BRSK2: variants seen among roughly 807,000 people sequenced by gnomAD.
The protein encoded by BRSK2 is serine/threonine-protein kinase BRSK2.
Under a neutral mutation model 83.3 loss-of-function variants are expected in BRSK2, and 19 were observed. That is an observed-to-expected ratio of 0.23 (90% CI 0.16 to 0.33). BRSK2 has a LOEUF of 0.33. BRSK2 is among the 10% of genes least tolerant of loss of function. The probability of loss-of-function intolerance (pLI) is 1.00; values close to 1 mark genes in which losing one functional copy is unlikely to be tolerated. For missense variants in BRSK2, 798 were observed against 1,042.3 expected (o/e 0.77, Z 3.23); for synonymous variants, 519 against 435.4 (o/e 1.19, Z -2.39).
At chr11:1,396,256 C>CT (rs1846099328) in intron 1 of BRSK2, among the ~76,000 whole-genome samples, 1 of 132,142 alleles carries the variant, frequency 7.6e-6, no homozygotes, top group African/African-American at 3.3e-5. Context: ...CACTCCTGGT[C>CT]CCTCTTCCCT....
rs558422269 is a variant in BRSK2, at chr11:1,411,016, C to T, written c.91+20641C>T. 1.9e-4 allele frequency: 196 copies of T among 1,011,458 alleles called. 1 individual carries two copies. The South Asian group carries it at 2.8e-3, about 14-fold the overall frequency. The allele number at this position is 1,011,458 out of a possible 1,614,324, so 62.7% of individuals were successfully genotyped here. On this transcript the variant is annotated intron_variant, in intron 1 of 19. Transcript: ENST00000528841. ...AGCAGGGGCGGAGAGAACAGCCGTG[C>T]GTCTGCCTTTTCTGCTCCCATCACC... is the stretch of plus-strand genomic sequence containing the variant.
intron 15 of BRSK2, among the ~76,000 whole-genome samples, chr11:1,452,656 G>T (rs1845941093): frequency 6.7e-6 from 1 of 149,870 alleles, no homozygotes; most frequent in African/African-American, 2.5e-5. Context: ...GTCCAGCACA[G>T]ATGCCTCCTA....
Position 1,454,275 on chromosome 11 carries a change from G to T in BRSK2, c.1545-210G>T. On this transcript the variant is annotated intron_variant, in intron 15 of 19. Transcript: ENST00000528841. This position sits in a 1 kb window ranked among gnomAD's most constrained non-coding sequence, Gnocchi z 5.2. The stretch of plus-strand genomic sequence containing the variant: ...TTGGAGAAAGGTTAGGGTTGGGGTT[G>T]GGGTTAGAGCCACGGTGATGGTCAG... 1 of 544,126 alleles carries T rather than the reference G, an allele frequency of 1.8e-6. No homozygotes were observed. Among genetic ancestry groups the T allele is most frequent in the Non-Finnish European group, 3.3e-6 (1 of 305,158 alleles). 33.7% of individuals were successfully genotyped at this position (544,126 alleles called of 1,614,324 possible).
chr11:1,397,086 C>T lies in BRSK2; in HGVS notation c.91+6711C>T, dbSNP rs554791520. On this transcript the variant is annotated intron_variant, in intron 1 of 19. Transcript: ENST00000528841. ...TGCCCTGTGCTCTGCAGGAAGTTAA[C>T]GGCACCCTGCCACCTCCTCTGTGCA... Among the ~76,000 whole-genome samples, 28 of 152,334 alleles carry T rather than the reference C, an allele frequency of 1.8e-4. No individual in the cohort carries two copies. The South Asian group carries it at 5.2e-3, about 28-fold the overall frequency.
At chr11:1,434,685 C>T (rs1272587825) in intron 1 of BRSK2, among the ~76,000 whole-genome samples, 2 of 140,052 alleles carry the variant, frequency 1.4e-5, no homozygotes. Context: ...CTCTGGGTGT[C>T]TGGGGGCACC....
intron 1 of BRSK2, among the ~76,000 whole-genome samples, chr11:1,419,290 CG>C (rs1369395934): frequency 1.3e-5 from 2 of 150,960 alleles, no homozygotes; most frequent in African/African-American, 4.9e-5. Flanking sequence ...GTCTGGGCAC[CG>C]GGGGGCCTTC....
chr11:1,398,868 C>T (rs1846287321), intron 1 of BRSK2, among the ~76,000 whole-genome samples: 1 of 152,124 alleles, frequency 6.6e-6, no homozygotes, highest in Non-Finnish European at 1.5e-5. Flanking sequence ...GTGTGGGGCC[C>T]CCTGGAGCCT....
intron 3 of BRSK2, among the ~76,000 whole-genome samples, chr11:1,440,507 G>A (rs908407236): frequency 1.3e-4 from 20 of 152,070 alleles, no homozygotes; most frequent in African/African-American, 4.3e-4. Flanking sequence ...CCTCCCTGGC[G>A]GCTGTGCCCC....
chr11:1,400,746 GC>G (rs1457852562), intron 1 of BRSK2, among the ~76,000 whole-genome samples: 1 of 152,210 alleles, frequency 6.6e-6, no homozygotes, highest in Non-Finnish European at 1.5e-5. Flanking sequence ...TGGAGGACCT[GC>G]CGGCTCTGCC....
At chr11:1,409,299 C>T (rs754936363) in intron 1 of BRSK2, 1 of 152,304 alleles carries the variant, frequency 6.6e-6, no homozygotes, top group South Asian at 2.1e-4. Flanking sequence ...TCTCCCTGTG[C>T]TCAGTCGTGC....
intron 1 of BRSK2, among the ~76,000 whole-genome samples, chr11:1,394,857 C>A (rs1196763587): frequency 5.2e-5 from 5 of 96,708 alleles, no homozygotes; most frequent in Non-Finnish European, 1.1e-4. Context: ...AGATGGGCCC[C>A]TGGAGATGGG....
chr11:1,456,694 C>A lies in BRSK2; in HGVS notation c.1939+7C>A. 2 of 1,588,248 alleles carry A rather than the reference C, an allele frequency of 1.3e-6. No individual in the cohort carries two copies. ...GCGGCCCAGCACTTGTCAGGTGAGG[C>A]GGGCTCAGCTCCGGCCAACCTGCGG... On this transcript the variant is annotated splice_region_variant and intron_variant, in intron 18 of 19. Transcript: ENST00000528841.
intron 12 of BRSK2, chr11:1,447,737 GC>G: frequency 6.6e-7 from 1 of 1,522,510 alleles, no homozygotes; most frequent in South Asian, 1.2e-5. Context: ...GGCCCTGGGG[GC>G]CGACCTGTGC....
At chr11:1,440,251 G>T (rs1355895649) in intron 3 of BRSK2, among the ~76,000 whole-genome samples, 1 of 152,136 alleles carries the variant, frequency 6.6e-6, no homozygotes, top group Non-Finnish European at 1.5e-5. Context: ...AGGGCAGGAA[G>T]GGGAGGGCCA....
intron 1 of BRSK2, among the ~76,000 whole-genome samples, chr11:1,421,417 C>T (rs965172805): frequency 6.6e-6 from 1 of 152,136 alleles, no homozygotes; most frequent in Non-Finnish European, 1.5e-5. Flanking sequence ...CAATCTGGTC[C>T]CCAGTGGGAG....
At chr11:1,444,375 C>T (rs886554098) in intron 8 of BRSK2, among the ~76,000 whole-genome samples, 12 of 152,284 alleles carry the variant, frequency 7.9e-5, no homozygotes, top group South Asian at 2.1e-4. Flanking sequence ...TCCAGGGTAG[C>T]GTTGACCTGT....
intron 14 of BRSK2, 108 bp downstream of exon 14, chr11:1,450,902 C>CA: frequency 8.9e-7 from 1 of 1,129,072 alleles, no homozygotes; most frequent in Non-Finnish European, 1.2e-6. Flanking sequence ...CCTGTAGCTG[C>CA]AGGGGTGGCC....
chr11:1,447,883 G>A (rs372593567), intron 12 of BRSK2: 26 of 1,586,240 alleles, frequency 1.6e-5, no homozygotes, highest in Middle Eastern at 1.6e-4. Flanking sequence ...CCGACCACCC[G>A]TCCCCGCACC....
intron 12 of BRSK2, among the ~76,000 whole-genome samples, chr11:1,446,881 C>T (rs1213509978): frequency 6.6e-6 from 1 of 152,182 alleles, no homozygotes; most frequent in Non-Finnish European, 1.5e-5. Flanking sequence ...CCAGGGCCCC[C>T]TCCTTGTACT....
Sources: gnomAD v4.1 joint callset for allele counts (sites outside exome capture counted in the v4.1 genomes callset) on GRCh38, gnomAD v4.1.1 for gene constraint, Gnocchi (gnomAD v3.1) non-coding constraint, MANE v1.5 for transcripts, NCBI Gene and HGNC (gene_info 2026-07-23, HGNC 2026-07-21) for gene names.